Variants in FBXO31 observed in about 807,000 individuals in gnomAD.
FBXO31 encodes the protein F-box protein 31, also known as F-box only protein 31.
FBXO31 carries 24 observed loss-of-function variants against 54.4 expected under a neutral mutation model. The ratio of observed to expected loss-of-function variants is 0.44; its 90% CI spans 0.32 to 0.62. The LOEUF is 0.62. Ranked by LOEUF, FBXO31 falls within the 20% of genes least tolerant of loss-of-function variation. The pLI, the probability that FBXO31 is intolerant of heterozygous loss-of-function variation, is 0.05. For missense variants in FBXO31, 665 were observed against 787.1 expected, an observed-to-expected ratio of 0.84 and a Z score of 1.86; for synonymous variants, 388 against 335.6, an observed-to-expected ratio of 1.16 and a Z score of -1.71.
At position 87,383,659 on chromosome 16, in the gene FBXO31, G is replaced by A; in HGVS notation, c.86C>T (p.Ala29Val). The A allele has an allele frequency of 7.6e-7, 1 of 1,324,238 alleles. No individual in the cohort carries two copies. Among genetic ancestry groups the A allele is most frequent in the Non-Finnish European group, 9.6e-7 (1 of 1,042,022 alleles). 82.0% of individuals were successfully genotyped at this position (1,324,238 alleles called of 1,614,324 possible). A position where few individuals can be genotyped will look rare whatever the true frequency, so the allele number is the denominator to read the frequency against. Residue 29 changes from alanine (A) to valine (V), a missense_variant, in exon 1 of 9, where the codon GCG (alanine) becomes GTG (valine). Ala to Val is a moderately conservative substitution (Grantham distance 64). Coordinates refer to ENST00000311635, the MANE Select transcript of FBXO31 (RefSeq NM_024735.5). The surrounding 1 kb of genome is among the most constrained non-coding windows in gnomAD (Gnocchi z 4.9). Reference sequence around the variant, plus strand: ...TGTGTCCGGCTCGCTGTCGGCCGCCGCCGTCTCGGCCGGGCCCCGGCGCTG... The same window carrying A: ...TGTGTCCGGCTCGCTGTCGGCCGCCACCGTCTCGGCCGGGCCCCGGCGCTG... ...RQQRRGPAET[A>V]AADSEPDTDP...
At position 87,379,437 on chromosome 16, in the gene FBXO31, C is replaced by T. The variant is rs150820878; in HGVS notation, c.340+3968G>A. Among the ~76,000 whole-genome samples, 46 of 152,222 alleles carry T rather than the reference C, an allele frequency of 3.0e-4. No homozygotes were observed. The South Asian group carries it at 9.6e-3, about 32-fold the overall frequency. On this transcript the variant is annotated intron_variant, in intron 1 of 8. Coordinates refer to ENST00000311635, the MANE Select transcript of FBXO31 (RefSeq NM_024735.5). ...AACAGGCTTGTTTACTTATGTTGAC[C>T]AGGAACTGACCTTTGAACCTCAGCA... is the stretch of plus-strand genomic sequence containing the variant.
In FBXO31 at chr16:87,330,605, T is replaced by C. The variant is rs1904816712; in HGVS notation, c.*683A>G. The stretch of plus-strand genomic sequence containing the variant: ...GGCTGGGCTGTGCATTCAGGTGACA[T>C]TCCCTAGTGACTCAGGTCACTAAAC... On this transcript the variant is annotated 3_prime_UTR_variant, in exon 9 of 9. Coordinates refer to ENST00000311635, the MANE Select transcript of FBXO31 (RefSeq NM_024735.5). The C allele has an allele frequency of 6.6e-6, 1 of 152,436 alleles. No individual in the cohort carries two copies. The highest frequency in any genetic ancestry group is 6.5e-5 in the Admixed American group (1 of 15,292). The allele number at this position is 152,436 out of a possible 1,614,324, so 9.4% of individuals were successfully genotyped here. A position where few individuals can be genotyped will look rare whatever the true frequency, so the allele number is the denominator to read the frequency against.
chr16:87,371,833 A>C (rs1376625646), intron 1 of FBXO31, among the ~76,000 whole-genome samples: 1 of 152,184 alleles, frequency 6.6e-6, no homozygotes, highest in Non-Finnish European at 1.5e-5. Context: ...GTCCCATGAC[A>C]AGTGGGGAAG....
At position 87,335,211 on chromosome 16, in the gene FBXO31, C is replaced by T. The variant is rs879106151; in HGVS notation, c.996+93G>A. On this transcript the variant is annotated intron_variant, in intron 7 of 8. Transcript: ENST00000311635. This position sits in a 1 kb window ranked among gnomAD's most constrained non-coding sequence, Gnocchi z 5.7. ...AGCCCACTCTGAGGAGCAAGGGTGC[C>T]GGGGATCAGTGTCTGCCCAAGTTCC... 6.4e-6 allele frequency: 10 copies of T among 1,562,200 alleles called. No individual in the cohort carries two copies. The South Asian group carries it at 6.7e-5, about 10-fold the overall frequency.
At chr16:87,365,412 G>T (rs1288545869) in intron 1 of FBXO31, among the ~76,000 whole-genome samples, 40 of 152,182 alleles carry the variant, frequency 2.6e-4, no homozygotes. Context: ...ATTGTAACAG[G>T]AAGGAATACA....
intron 5 of FBXO31, 99 bp downstream of exon 5, chr16:87,342,778 C>A: frequency 6.2e-6 from 6 of 961,764 alleles, no homozygotes; most frequent in Non-Finnish European, 9.2e-6. Context: ...CCATGCAGGT[C>A]GCATGCTGCT....
intron 1 of FBXO31, among the ~76,000 whole-genome samples, chr16:87,366,874 G>T (rs569129904): frequency 1.6e-4 from 24 of 152,100 alleles, no homozygotes; most frequent in Admixed American, 1.3e-3. Flanking sequence ...ATAGCAATGC[G>T]GAAAATAAAA....
intron 2 of FBXO31, among the ~76,000 whole-genome samples, chr16:87,350,421 G>A (rs1485202666): frequency 6.6e-6 from 1 of 152,066 alleles, no homozygotes; most frequent in Non-Finnish European, 1.5e-5. Context: ...ACCCCTTTAG[G>A]AACAATCCTG....
intron 8 of FBXO31, among the ~76,000 whole-genome samples, chr16:87,332,323 C>T (rs534634219): frequency 2.0e-5 from 3 of 152,234 alleles, no homozygotes; most frequent in East Asian, 1.9e-4. Context: ...GGGAAGGGCC[C>T]GGGAGCCCCC....
chr16:87,368,190 AC>A (rs1229275721), intron 1 of FBXO31, among the ~76,000 whole-genome samples: 1 of 152,240 alleles, frequency 6.6e-6, no homozygotes, highest in African/African-American at 2.4e-5. Flanking sequence ...AATGAATACA[AC>A]AATCCTTAGT....
chr16:87,332,992 T>C (rs1410087855), intron 8 of FBXO31, among the ~76,000 whole-genome samples: 1 of 152,234 alleles, frequency 6.6e-6, no homozygotes, highest in Non-Finnish European at 1.5e-5. Context: ...ACCAGCCACA[T>C]GTGGCCATGG....
chr16:87,337,970 G>A (rs1052762788), intron 5 of FBXO31, among the ~76,000 whole-genome samples: 5 of 152,150 alleles, frequency 3.3e-5, no homozygotes, highest in African/African-American at 1.2e-4. Context: ...AACCTGAGTG[G>A]CTGAACTTGA....
At chr16:87,342,651 G>A (rs575791689) in intron 5 of FBXO31, among the ~76,000 whole-genome samples, 2 of 152,206 alleles carry the variant, frequency 1.3e-5, no homozygotes, top group African/African-American at 4.8e-5. Context: ...TGTGTGGTTC[G>A]TTCGTTCTGC....
chr16:87,340,373 G>C (rs1905154832), intron 5 of FBXO31, among the ~76,000 whole-genome samples: 1 of 152,200 alleles, frequency 6.6e-6, no homozygotes, highest in Non-Finnish European at 1.5e-5. Flanking sequence ...GTCCAGAAAT[G>C]AACCAAGTAT....
At chr16:87,354,608 A>T (rs959593794) in intron 2 of FBXO31, among the ~76,000 whole-genome samples, 1 of 152,176 alleles carries the variant, frequency 6.6e-6, no homozygotes, top group Non-Finnish European at 1.5e-5. Context: ...CCAGAGTGCC[A>T]GGCAACCTCA....
chr16:87,336,353 CCTT>C lies in FBXO31; in HGVS notation c.733-92_733-90del, dbSNP rs1398696832. On this transcript the variant is annotated intron_variant, in intron 5 of 8. Transcript: ENST00000311635. The surrounding 1 kb of genome is among the most constrained non-coding windows in gnomAD (Gnocchi z 6.5). Reference sequence around the variant, plus strand: ...GTGCCGCTGAGAGGACACAGTGTGTCCTTCTTTGTCAGTGCACAGGCACCTGCA... The same window carrying C: ...GTGCCGCTGAGAGGACACAGTGTGTCCTTTGTCAGTGCACAGGCACCTGCA... 1.5e-5 allele frequency: 18 copies of C among 1,189,924 alleles called. No homozygotes were observed. The Admixed American group carries it at 1.9e-4, about 13-fold the overall frequency. 73.7% of individuals were successfully genotyped at this position (1,189,924 alleles called of 1,614,324 possible).
intron 1 of FBXO31, among the ~76,000 whole-genome samples, chr16:87,365,749 T>C (rs1906340345): frequency 6.6e-6 from 1 of 152,186 alleles, no homozygotes. Flanking sequence ...ACGCTGGGTG[T>C]AGGCCGGGCA....
chr16:87,330,972 AG>A lies in FBXO31; in HGVS notation c.*315del, dbSNP rs747809281. ...CTGCTTCCCGAGAAAACCACCAGCC[AG>A]CCCAGGGTGCGGGAACCCCACCGCT... On this transcript the variant is annotated 3_prime_UTR_variant, in exon 9 of 9. Coordinates refer to ENST00000311635, the MANE Select transcript of FBXO31 (RefSeq NM_024735.5). 9 of 301,568 alleles carry A rather than the reference AG, an allele frequency of 3.0e-5. No homozygotes were observed. Among genetic ancestry groups the A allele is most frequent in the Middle Eastern group, 1.0e-3 (1 of 970 alleles). The allele number at this position is 301,568 out of a possible 1,614,324, so 18.7% of individuals were successfully genotyped here.
chr16:87,355,358 A>G (rs996703585), intron 2 of FBXO31, among the ~76,000 whole-genome samples: 1 of 152,242 alleles, frequency 6.6e-6, no homozygotes, highest in Non-Finnish European at 1.5e-5. Context: ...GGATGCTGTG[A>G]GAGAACAAAT....
Sources: gnomAD v4.1 joint callset for allele counts (sites outside exome capture counted in the v4.1 genomes callset) on GRCh38, gnomAD v4.1.1 for gene constraint, Gnocchi (gnomAD v3.1) non-coding constraint, MANE v1.5 for transcripts, NCBI Gene and HGNC (gene_info 2026-07-23, HGNC 2026-07-21) for gene names.